Variants in DSCAM observed in about 807,000 individuals in gnomAD.
DSCAM encodes the protein DS cell adhesion molecule.
A neutral mutation model predicts 217.7 loss-of-function variants in DSCAM; 47 were observed. The ratio of observed to expected loss-of-function variants is 0.22; its 90% CI spans 0.17 to 0.28. The LOEUF (loss-of-function observed/expected upper bound fraction) is 0.28, where lower values mean the gene tolerates loss of function less well. Ranked by LOEUF, DSCAM falls within the 10% of genes least tolerant of loss-of-function variation. DSCAM has a pLI of 1.00. For missense variants in DSCAM, 2,080 were observed against 2,618.3 expected, an observed-to-expected ratio of 0.79 and a Z score of 4.49; for synonymous variants, 1,056 against 1,015.3, an observed-to-expected ratio of 1.04 and a Z score of -0.76.
intron 1 of DSCAM, among the ~76,000 whole-genome samples, chr21:40,840,169 A>T (rs1403033519): frequency 1.3e-5 from 2 of 152,178 alleles, no homozygotes; most frequent in Admixed American, 6.5e-5. Flanking sequence ...ATATCCTTTC[A>T]TGTTACTTTG....
At chr21:40,624,146 G>A (rs117867571) in intron 3 of DSCAM, among the ~76,000 whole-genome samples, 1 of 152,222 alleles carries the variant, frequency 6.6e-6, no homozygotes, top group Non-Finnish European at 1.5e-5. Context: ...GTATCAATCA[G>A]ATTTTTGTGC....
At chr21:40,457,050 A>G (rs2075769373) in intron 3 of DSCAM, among the ~76,000 whole-genome samples, 1 of 152,228 alleles carries the variant, frequency 6.6e-6, no homozygotes. Flanking sequence ...AGGGATGCCT[A>G]TACAGGAATC....
chr21:40,322,348 A>T (rs1349894790), intron 8 of DSCAM, among the ~76,000 whole-genome samples: 3 of 152,196 alleles, frequency 2.0e-5, no homozygotes, highest in Admixed American at 6.5e-5. Flanking sequence ...ATACATTTTT[A>T]AAAAACATCT....
rs577322243 is a variant in DSCAM at position 40,143,790 on chromosome 21, C to CA, written c.3259+700dup. 2.2e-3 allele frequency among the ~76,000 whole-genome samples: 327 copies of CA among 151,324 alleles called. 1 individual carries two copies. Among genetic ancestry groups the CA allele is most frequent in the Non-Finnish European group, 3.2e-3 (219 of 67,780 alleles). On this transcript the variant is annotated intron_variant, in intron 17 of 32. Transcript: ENST00000400454. ...TGGGAGAGAGAGCCGGACTCCGTCT[C>CA]AAAAAAAAATCTATGATCAAATGAC...
At chr21:40,579,816 C>G (rs147877541) in intron 3 of DSCAM, among the ~76,000 whole-genome samples, 1 of 137,454 alleles carries the variant, frequency 7.3e-6, no homozygotes, top group Non-Finnish European at 1.6e-5. Flanking sequence ...GTACTACTAT[C>G]AGACCTTCAC....
intron 4 of DSCAM, among the ~76,000 whole-genome samples, chr21:40,358,307 C>A (rs1371753018): frequency 2.0e-5 from 3 of 152,062 alleles, no homozygotes; most frequent in Non-Finnish European, 4.4e-5. Context: ...ACTGGATATC[C>A]ACATGGAAAA....
In DSCAM at chr21:40,041,740, C is replaced by T. The variant is rs530469365; in HGVS notation, c.5686+631G>A. ...CTTAATGTTAGCCAGTTACCATCAC[C>T]TTGTGTAATTCAGTGAGGCCAAGTC... On this transcript the variant is annotated intron_variant, in intron 32 of 32. Coordinates refer to ENST00000400454, the MANE Select transcript of DSCAM (RefSeq NM_001389.5). Among the ~76,000 whole-genome samples the T allele has an allele frequency of 1.3e-5, 2 of 152,286 alleles. 1 individual carries two copies. Among genetic ancestry groups the T allele is most frequent in the South Asian group, 4.1e-4 (2 of 4,826 alleles).
chr21:40,611,754 C>T (rs971543063), intron 3 of DSCAM, among the ~76,000 whole-genome samples: 2 of 152,204 alleles, frequency 1.3e-5, no homozygotes, highest in Non-Finnish European at 2.9e-5. Context: ...TAGCTCTGAA[C>T]CACACACTAT....
At chr21:40,709,018 A>G (rs1216216773) in intron 1 of DSCAM, among the ~76,000 whole-genome samples, 1 of 152,204 alleles carries the variant, frequency 6.6e-6, no homozygotes, top group Non-Finnish European at 1.5e-5. Flanking sequence ...AATTTTTAAT[A>G]GATTGTTTTT....
chr21:40,701,048 T>C (rs1297574182), intron 2 of DSCAM, among the ~76,000 whole-genome samples: 1 of 152,178 alleles, frequency 6.6e-6, no homozygotes, highest in Non-Finnish European at 1.5e-5. Flanking sequence ...AAAATTATTA[T>C]TTCTTTCTTA....
intron 10 of DSCAM, among the ~76,000 whole-genome samples, chr21:40,293,610 C>T (rs1041925575): frequency 2.6e-5 from 4 of 152,088 alleles, no homozygotes; most frequent in African/African-American, 9.7e-5. Context: ...TAAAAAGTCA[C>T]GGAGTTCAAG....
chr21:40,571,109 A>G (rs964587831), intron 3 of DSCAM, among the ~76,000 whole-genome samples: 1 of 152,154 alleles, frequency 6.6e-6, no homozygotes. Flanking sequence ...AATTGAAAAG[A>G]AATCTTAAAA....
chr21:40,514,344 A>G (rs1172345095), intron 3 of DSCAM, among the ~76,000 whole-genome samples: 1 of 152,198 alleles, frequency 6.6e-6, no homozygotes, highest in Non-Finnish European at 1.5e-5. Context: ...GAACAAGGCC[A>G]TCTTATTAAT....
chr21:40,603,925 CTTTTTT>C (rs3070814), intron 3 of DSCAM, among the ~76,000 whole-genome samples: 3 of 97,320 alleles, frequency 3.1e-5, no homozygotes, highest in Non-Finnish European at 6.1e-5. Context: ...TTTTGCATTT[CTTTTTT>C]TTTTTTTTTT....
chr21:40,668,065 C>T (rs2090224790), intron 3 of DSCAM, among the ~76,000 whole-genome samples: 1 of 152,196 alleles, frequency 6.6e-6, no homozygotes, highest in Admixed American at 6.5e-5. Flanking sequence ...TATCCCATAG[C>T]CAGCATGTTT....
intron 32 of DSCAM, among the ~76,000 whole-genome samples, chr21:40,022,974 A>G (rs548586075): frequency 1.3e-5 from 2 of 151,700 alleles, no homozygotes; most frequent in African/African-American, 2.4e-5. Context: ...TGCACCCATT[A>G]ACTAGTCATC....
At chr21:40,166,314 T>C (rs1186099526) in intron 16 of DSCAM, among the ~76,000 whole-genome samples, 1 of 152,168 alleles carries the variant, frequency 6.6e-6, no homozygotes, top group Non-Finnish European at 1.5e-5. Flanking sequence ...AAAAATCACA[T>C]GCCATGAGAG....
At chr21:40,216,026 TTTC>T (rs576562785) in intron 11 of DSCAM, among the ~76,000 whole-genome samples, 42 of 152,254 alleles carry the variant, frequency 2.8e-4, no homozygotes, top group African/African-American at 9.1e-4. Context: ...CACGCCAATA[TTTC>T]TTCTTCAGAA....
intron 1 of DSCAM, among the ~76,000 whole-genome samples, chr21:40,844,212 G>T (rs1223524042): frequency 6.6e-6 from 1 of 152,162 alleles, no homozygotes; most frequent in African/African-American, 2.4e-5. Flanking sequence ...AACAGGCATA[G>T]TTCCAAACTG....
Sources: gnomAD v4.1 joint callset for allele counts (sites outside exome capture counted in the v4.1 genomes callset) on GRCh38, gnomAD v4.1.1 for gene constraint, MANE v1.5 for transcripts, NCBI Gene and HGNC (gene_info 2026-07-23, HGNC 2026-07-21) for gene names.